RALYL: variants seen among roughly 807,000 people sequenced by gnomAD.
The protein encoded by RALYL is RNA-binding Raly-like protein.
In RALYL, 29 loss-of-function variants were observed where a neutral mutation model predicts 35.1. The observed-to-expected ratio is 0.83, with a 90% CI of 0.61 to 1.13. RALYL has a LOEUF of 1.13. Among genes scored for constraint, RALYL ranks in the 50% most tolerant of loss-of-function variants. The probability of loss-of-function intolerance (pLI) is 0.00; values close to 1 mark genes in which losing one functional copy is unlikely to be tolerated. For synonymous variants in RALYL, 120 were observed against 127.6 expected, an observed-to-expected ratio of 0.94 and a Z score of 0.40; for missense variants, 359 against 360.4, an observed-to-expected ratio of 1.00 and a Z score of 0.03.
intron 1 of RALYL, among the ~76,000 whole-genome samples, chr8:84,393,798 C>A (rs1348961908): frequency 6.6e-6 from 1 of 152,032 alleles, no homozygotes. Flanking sequence ...CAGTTTCTCA[C>A]CATAAAATGG....
Position 84,806,793 on chromosome 8 carries a change from C to G in RALYL, c.365+1991C>G, listed in dbSNP as rs116601764. 5.7e-3 allele frequency among the ~76,000 whole-genome samples: 871 copies of G among 152,250 alleles called. 11 individuals are homozygous for G. Among genetic ancestry groups the G allele is most frequent in the African/African-American group, 0.019 (806 of 41,542 alleles). ...TATGTATGCTAAGGTGGGCGACTCA[C>G]TTGAGTTCAGGAGTTCGAGACCAGG... On this transcript the variant is annotated intron_variant, in intron 4 of 8. Transcript: ENST00000521268.
At chr8:84,254,888 G>A (rs1182721982) in intron 1 of RALYL, among the ~76,000 whole-genome samples, 2 of 151,994 alleles carry the variant, frequency 1.3e-5, no homozygotes, top group Admixed American at 1.3e-4. Context: ...GAATGCAGGA[G>A]GAACTACCAA....
At chr8:84,594,717 T>A (rs995514471) in intron 2 of RALYL, among the ~76,000 whole-genome samples, 1 of 152,094 alleles carries the variant, frequency 6.6e-6, no homozygotes, top group African/African-American at 2.4e-5. Context: ...CATTTTCATG[T>A]TAACGTGAAT....
chr8:84,689,033 A>G (rs1401237002), intron 2 of RALYL, among the ~76,000 whole-genome samples: 1 of 151,874 alleles, frequency 6.6e-6, no homozygotes, highest in East Asian at 1.9e-4. Flanking sequence ...CTCATACACT[A>G]TTAGACTGAC....
At chr8:84,222,875 G>C (rs537286367) in intron 1 of RALYL, among the ~76,000 whole-genome samples, 1 of 152,170 alleles carries the variant, frequency 6.6e-6, no homozygotes, top group African/African-American at 2.4e-5. Flanking sequence ...AATATACTCT[G>C]TTCAAATAAA....
At chr8:84,741,852 C>T (rs1807424112) in intron 2 of RALYL, among the ~76,000 whole-genome samples, 1 of 151,886 alleles carries the variant, frequency 6.6e-6, no homozygotes, top group South Asian at 2.1e-4. Flanking sequence ...TTCCATACTG[C>T]ATACTGTTTT....
chr8:84,728,607 G>C (rs966682067), intron 2 of RALYL, among the ~76,000 whole-genome samples: 17 of 152,110 alleles, frequency 1.1e-4, no homozygotes, highest in African/African-American at 3.6e-4. Flanking sequence ...TATGGTTTTA[G>C]GTGTGAGGTT....
In RALYL at chr8:84,617,731, G is replaced by A. The variant is rs1474911575; in HGVS notation, c.256+88154G>A. 2.0e-5 allele frequency among the ~76,000 whole-genome samples: 3 copies of A among 151,294 alleles called. No homozygotes were observed. In the South Asian group the frequency reaches 6.3e-4, roughly 32 times the overall value. ...TCAGTATGATATTGGCTGTGGATTT[G>A]TCATAGATAGCTCTTATTATTTTGA... On this transcript the variant is annotated intron_variant, in intron 2 of 8. Coordinates refer to ENST00000521268, the MANE Select transcript of RALYL (RefSeq NM_173848.7).
chr8:84,742,071 T>A (rs1807494292), intron 2 of RALYL, among the ~76,000 whole-genome samples: 1 of 151,958 alleles, frequency 6.6e-6, no homozygotes, highest in Non-Finnish European at 1.5e-5. Context: ...AAATGATACA[T>A]TTTTAAGGAG....
chr8:84,688,482 A>C (rs1564376725), intron 2 of RALYL, among the ~76,000 whole-genome samples: 1 of 152,126 alleles, frequency 6.6e-6, no homozygotes, highest in Non-Finnish European at 1.5e-5. Context: ...AAGGAAAATC[A>C]CTTCGATAAG....
intron 4 of RALYL, among the ~76,000 whole-genome samples, chr8:84,805,509 C>T (rs2134021165): frequency 6.6e-6 from 1 of 152,244 alleles, no homozygotes; most frequent in East Asian, 1.9e-4. Flanking sequence ...CATGGTGAAA[C>T]TCTGTCTCTA....
chr8:84,816,032 CAAAAAAAAAAA>C (rs5892931), intron 4 of RALYL, among the ~76,000 whole-genome samples: 2 of 84,196 alleles, frequency 2.4e-5, no homozygotes, highest in African/African-American at 4.5e-5. Flanking sequence ...GACTCTGTCT[CAAAAAAAAAAA>C]AAAAAAAAAG....
chr8:84,698,263 C>A (rs1338946694), intron 2 of RALYL, among the ~76,000 whole-genome samples: 2 of 152,080 alleles, frequency 1.3e-5, no homozygotes, highest in Non-Finnish European at 2.9e-5. Context: ...AAAGCAAGCA[C>A]TTAATAATTG....
At chr8:84,403,070 C>T (rs1048210180) in intron 1 of RALYL, among the ~76,000 whole-genome samples, 1 of 152,072 alleles carries the variant, frequency 6.6e-6, no homozygotes, top group South Asian at 2.1e-4. Context: ...AGCCCTTTAT[C>T]AGATGGATAG....
At chr8:84,594,629 A>G (rs1052065102) in intron 2 of RALYL, among the ~76,000 whole-genome samples, 1 of 152,064 alleles carries the variant, frequency 6.6e-6, no homozygotes, top group African/African-American at 2.4e-5. Flanking sequence ...ATATTATAGT[A>G]TAAATTATTA....
At chr8:84,738,171 T>C (rs1243440600) in intron 2 of RALYL, among the ~76,000 whole-genome samples, 1 of 151,906 alleles carries the variant, frequency 6.6e-6, no homozygotes, top group Non-Finnish European at 1.5e-5. Context: ...CTAAATCACA[T>C]AGTATAGTAT....
chr8:84,676,526 A>G (rs576533779), intron 2 of RALYL, among the ~76,000 whole-genome samples: 1 of 152,322 alleles, frequency 6.6e-6, no homozygotes, highest in East Asian at 1.9e-4. Flanking sequence ...AACTGATTTC[A>G]CAATGAGTCC....
chr8:84,342,159 T>G (rs1242491193), intron 1 of RALYL, among the ~76,000 whole-genome samples: 3 of 150,152 alleles, frequency 2.0e-5, no homozygotes, highest in African/African-American at 7.4e-5. Flanking sequence ...CTTAGGGAAC[T>G]GTAATTCAGA....
chr8:84,587,027 T>C (rs1009929544), intron 2 of RALYL, among the ~76,000 whole-genome samples: 1 of 152,160 alleles, frequency 6.6e-6, no homozygotes, highest in African/African-American at 2.4e-5. Context: ...ACTTCAGCCC[T>C]GGATTTCAGT....
Sources: gnomAD v4.1 joint callset for allele counts (sites outside exome capture counted in the v4.1 genomes callset) on GRCh38, gnomAD v4.1.1 for gene constraint, MANE v1.5 for transcripts, NCBI Gene and HGNC (gene_info 2026-07-23, HGNC 2026-07-21) for gene names.